Variants in RABGAP1L observed in about 807,000 individuals in gnomAD.
RABGAP1L encodes the protein rab GTPase-activating protein 1-like.
In RABGAP1L, 63 loss-of-function variants were observed where a neutral mutation model predicts 137.7. The observed-to-expected ratio is 0.46, with a 90% CI of 0.37 to 0.56. The LOEUF is 0.56. RABGAP1L is among the 20% of genes least tolerant of loss of function. RABGAP1L has a pLI of 0.00. For missense variants in RABGAP1L, 1,095 were observed against 1,244.0 expected (o/e 0.88, Z 1.80); for synonymous variants, 431 against 433.7 (o/e 0.99, Z 0.08).
At chr1:174,800,378 C>A in intron 18 of RABGAP1L, 2 of 1,550,656 alleles carry the variant, frequency 1.3e-6, no homozygotes, top group Non-Finnish European at 8.7e-7. Context: ...TAAGCTCACA[C>A]CTCCTGTCAA....
At chr1:174,555,252 T>C (rs1666798000) in intron 13 of RABGAP1L, among the ~76,000 whole-genome samples, 1 of 152,236 alleles carries the variant, frequency 6.6e-6, no homozygotes, top group South Asian at 2.1e-4. Flanking sequence ...TCTTTCATAC[T>C]CAATTTCAGC....
At chr1:174,623,531 A>G (rs1405114147) in intron 13 of RABGAP1L, among the ~76,000 whole-genome samples, 3 of 152,232 alleles carry the variant, frequency 2.0e-5, no homozygotes, top group Non-Finnish European at 4.4e-5. Context: ...GGTTGAGTCC[A>G]GGAGAAGCAC....
chr1:174,292,675 T>C (rs1452988517), intron 10 of RABGAP1L, among the ~76,000 whole-genome samples: 2 of 152,148 alleles, frequency 1.3e-5, no homozygotes, highest in Admixed American at 6.5e-5. Context: ...CAGCATATGG[T>C]CTACTGTGAA....
chr1:174,550,903 CACAT>C (rs1666410075), intron 13 of RABGAP1L, among the ~76,000 whole-genome samples: 1 of 96,396 alleles, frequency 1.0e-5, no homozygotes, highest in Non-Finnish European at 1.9e-5. Flanking sequence ...TATACACACA[CACAT>C]ATACACACAC....
intron 24 of RABGAP1L, among the ~76,000 whole-genome samples, chr1:174,984,858 C>CT (rs1671452796): frequency 1.3e-5 from 2 of 152,088 alleles, no homozygotes; most frequent in Non-Finnish European, 2.9e-5. Context: ...GGAGATTGGA[C>CT]TAAAGCAGGG....
At chr1:174,731,338 T>C (rs79534705) in intron 17 of RABGAP1L, among the ~76,000 whole-genome samples, 7 of 152,276 alleles carry the variant, frequency 4.6e-5, no homozygotes, top group Admixed American at 1.3e-4. Context: ...TACACAAATG[T>C]CATGAAAGCT....
chr1:174,667,583 C>T (rs1478455551), intron 14 of RABGAP1L, among the ~76,000 whole-genome samples: 3 of 152,158 alleles, frequency 2.0e-5, no homozygotes, highest in Admixed American at 1.3e-4. Context: ...TTTGTACATG[C>T]CCTTTTTTCT....
intron 17 of RABGAP1L, among the ~76,000 whole-genome samples, chr1:174,744,090 T>TG (rs1683674846): frequency 2.2e-5 from 1 of 45,128 alleles, no homozygotes; most frequent in East Asian, 7.3e-4. Flanking sequence ...GTGAAATACG[T>TG]AAAAAAAAAA....
At chr1:174,252,355 T>C in intron 6 of RABGAP1L, 125 bp from the exon 7 acceptor site, 4 of 1,149,696 alleles carry the variant, frequency 3.5e-6, no homozygotes, top group Non-Finnish European at 2.4e-6. Context: ...GGTGAGAGTT[T>C]AGTATATCTT....
intron 18 of RABGAP1L, among the ~76,000 whole-genome samples, chr1:174,770,871 C>G (rs1263078342): frequency 6.6e-6 from 1 of 152,166 alleles, no homozygotes; most frequent in Non-Finnish European, 1.5e-5. Context: ...TTGACAGTCC[C>G]TGGGTTAGAT....
At chr1:174,387,725 G>C (rs1235316533) in intron 12 of RABGAP1L, among the ~76,000 whole-genome samples, 2 of 151,970 alleles carry the variant, frequency 1.3e-5, no homozygotes, top group Non-Finnish European at 2.9e-5. Flanking sequence ...TTGCTCAGCT[G>C]AAATTCAGTG....
intron 19 of RABGAP1L, among the ~76,000 whole-genome samples, chr1:174,916,907 C>T (rs1660973125): frequency 1.3e-5 from 2 of 152,140 alleles, no homozygotes; most frequent in South Asian, 2.1e-4. Context: ...AACCAAACAC[C>T]GTATACAATA....
intron 13 of RABGAP1L, among the ~76,000 whole-genome samples, chr1:174,445,745 T>G (rs1051596526): frequency 2.0e-5 from 3 of 152,196 alleles, no homozygotes; most frequent in Non-Finnish European, 1.5e-5. Context: ...TGCTGACTTT[T>G]TAGTGTCATA....
At chr1:174,736,419 C>T (rs1022243300) in intron 17 of RABGAP1L, among the ~76,000 whole-genome samples, 1 of 152,234 alleles carries the variant, frequency 6.6e-6, no homozygotes, top group Admixed American at 6.5e-5. Context: ...CAGCTCTGCC[C>T]CTGTGGCTTT....
chr1:174,456,550 A>G (rs768033149), intron 13 of RABGAP1L, among the ~76,000 whole-genome samples: 2 of 152,056 alleles, frequency 1.3e-5, no homozygotes, highest in African/African-American at 2.4e-5. Context: ...GTGCTTTTGT[A>G]TGTTTGTAAT....
intron 19 of RABGAP1L, among the ~76,000 whole-genome samples, chr1:174,841,694 A>G (rs2148948502): frequency 6.6e-6 from 1 of 152,218 alleles, no homozygotes; most frequent in African/African-American, 2.4e-5. Context: ...TAATGGGGAA[A>G]TGATAAAAAT....
chr1:174,829,692 T>A (rs1291987038), intron 19 of RABGAP1L, among the ~76,000 whole-genome samples: 1 of 148,436 alleles, frequency 6.7e-6, no homozygotes, highest in African/African-American at 2.5e-5. Context: ...ATTAAAAGAG[T>A]TTATAGTCAA....
chr1:174,618,805 G>A (rs987195821), intron 13 of RABGAP1L, among the ~76,000 whole-genome samples: 13 of 152,126 alleles, frequency 8.5e-5, no homozygotes, highest in Non-Finnish European at 1.6e-4. Flanking sequence ...ACTTTGACGA[G>A]TTGAGAGAAG....
At position 174,638,229 on chromosome 1, in the gene RABGAP1L, T is replaced by G. The variant is rs867787953; in HGVS notation, c.1824+741T>G. On this transcript the variant is annotated intron_variant, in intron 14 of 25. Transcript: ENST00000681986. ...AGAAAAAGGCAAACATCATGGCTAA[T>G]TTGTAAGTTAGGTAATCAGTTCCTG... is the stretch of plus-strand genomic sequence containing the variant. 1.6e-4 allele frequency among the ~76,000 whole-genome samples: 24 copies of G among 152,324 alleles called. 1 individual carries two copies. The highest frequency in any genetic ancestry group is 6.2e-4 in the South Asian group (3 of 4,828).
Sources: allele counts gnomAD v4.1 joint callset (sites outside exome capture counted in the v4.1 genomes callset), GRCh38; gene constraint gnomAD v4.1.1; transcripts MANE v1.5; gene names NCBI Gene and HGNC (gene_info 2026-07-23, HGNC 2026-07-21).